VPS8: variants seen among roughly 807,000 people sequenced by gnomAD.
The protein encoded by VPS8 is VPS8 subunit of CORVET complex.
Under a neutral mutation model 216.4 loss-of-function variants are expected in VPS8, and 129 were observed. That is an observed-to-expected ratio of 0.60 (90% CI 0.52 to 0.69). VPS8 has a LOEUF of 0.69. Ranked by LOEUF, VPS8 falls within the 30% of genes least tolerant of loss-of-function variation. The pLI, the probability that VPS8 is intolerant of heterozygous loss-of-function variation, is 0.00. For synonymous variants in VPS8, 571 were observed against 565.4 expected (o/e 1.01, Z -0.14); for missense variants, 1,531 against 1,683.5 (o/e 0.91, Z 1.59).
intron 22 of VPS8, among the ~76,000 whole-genome samples, chr3:184,891,163 C>T (rs1295214201): frequency 4.6e-5 from 7 of 152,036 alleles, no homozygotes; most frequent in African/African-American, 1.2e-4. Flanking sequence ...ATGATACCGA[C>T]GACTTTGAGT....
At chr3:184,828,798 G>A (rs1178928580) in intron 3 of VPS8, among the ~76,000 whole-genome samples, 1 of 152,114 alleles carries the variant, frequency 6.6e-6, no homozygotes, top group Non-Finnish European at 1.5e-5. Context: ...TGTACAGTGT[G>A]GTGAATGTTA....
At chr3:184,997,324 T>C (rs1306210612) in intron 44 of VPS8, among the ~76,000 whole-genome samples, 1 of 152,244 alleles carries the variant, frequency 6.6e-6, no homozygotes, top group African/African-American at 2.4e-5. Flanking sequence ...ACAAGTTATT[T>C]AACCTCTTTA....
At chr3:184,931,465 CAACATGTTTG>C (rs1740663447) in intron 34 of VPS8, among the ~76,000 whole-genome samples, 1 of 152,220 alleles carries the variant, frequency 6.6e-6, no homozygotes, top group South Asian at 2.1e-4. Context: ...TACGATTATT[CAACATGTTTG>C]AACATTTTTT....
chr3:184,995,692 T>C (rs890121080), intron 43 of VPS8, among the ~76,000 whole-genome samples: 3 of 152,200 alleles, frequency 2.0e-5, no homozygotes, highest in African/African-American at 4.8e-5. Context: ...AACAATACTA[T>C]ATAAATACAT....
At chr3:185,038,756 C>T (rs1759238725) in intron 46 of VPS8, among the ~76,000 whole-genome samples, 2 of 152,184 alleles carry the variant, frequency 1.3e-5, no homozygotes, top group African/African-American at 4.8e-5. Context: ...TGAATGTCAT[C>T]CCCCAGTCTA....
rs189762636 is a variant in VPS8 at position 185,016,358 on chromosome 3, G to A, written c.4003-7978G>A. Among the ~76,000 whole-genome samples, 201 of 152,278 alleles carry A rather than the reference G, an allele frequency of 1.3e-3. 2 individuals are homozygous for A. Among genetic ancestry groups the A allele is most frequent in the African/African-American group, 4.2e-3 (175 of 41,552 alleles). On this transcript the variant is annotated intron_variant, in intron 45 of 47. Transcript: ENST00000625842. The stretch of plus-strand genomic sequence containing the variant: ...TCATAACATTGGAGTAATATTTCTC[G>A]AATGGGGCAGCACAAAGTATATATC...
chr3:184,856,236 A>G (rs974332154), intron 14 of VPS8, among the ~76,000 whole-genome samples: 7 of 152,252 alleles, frequency 4.6e-5, no homozygotes, highest in Non-Finnish European at 1.0e-4. Flanking sequence ...CACACAGCTT[A>G]TAATCTTGTT....
chr3:184,863,155 G>A lies in VPS8; in HGVS notation c.1395+88G>A, dbSNP rs981593539. The A allele has an allele frequency of 9.2e-5, 137 of 1,489,292 alleles. No homozygotes were observed. The African/African-American group carries it at 1.8e-3, about 19-fold the overall frequency. The allele number at this position is 1,489,292 out of a possible 1,614,324, so 92.3% of individuals were successfully genotyped here. A position where few individuals can be genotyped will look rare whatever the true frequency, so the allele number is the denominator to read the frequency against. On this transcript the variant is annotated intron_variant, in intron 16 of 47. Coordinates refer to ENST00000625842, the MANE Select transcript of VPS8 (RefSeq NM_001009921.3). ...TAGTTGTTTTAGAAATAGGAACTCTGGGGAGTTACCTTTTTCTGTCTTGAG... is the reference window on the plus strand; with the variant it reads ...TAGTTGTTTTAGAAATAGGAACTCTAGGGAGTTACCTTTTTCTGTCTTGAG...
In VPS8 at chr3:184,832,708, C is replaced by G; in HGVS notation, c.242C>G (p.Ser81Cys). The G allele has an allele frequency of 6.2e-7, 1 of 1,602,618 alleles. No individual in the cohort carries two copies. The highest frequency in any genetic ancestry group is 8.5e-7 in the Non-Finnish European group (1 of 1,173,620). Residue 81 changes from serine (S) to cysteine (C), a missense_variant, in exon 4 of 48, where the codon TCT becomes TGT. Physicochemically the swap from Ser to Cys is moderately radical, Grantham distance 112. Transcript: ENST00000625842. Reference protein sequence around the residue: ...ILNETDDEDESFILEDPTLLN... With the variant: ...ILNETDDEDECFILEDPTLLN... Reference sequence around the variant, plus strand: ...ATTTAGACTGATGATGAAGATGAGTCTTTTATTCTTGAGGATCCTACATTG... The same window carrying G: ...ATTTAGACTGATGATGAAGATGAGTGTTTTATTCTTGAGGATCCTACATTG...
intron 45 of VPS8, among the ~76,000 whole-genome samples, chr3:185,010,609 ATAAAAT>A (rs1268661489): frequency 2.0e-5 from 3 of 152,128 alleles, no homozygotes; most frequent in Non-Finnish European, 2.9e-5. Flanking sequence ...AATATACTAG[ATAAAAT>A]TAATAGCAGG....
intron 42 of VPS8, among the ~76,000 whole-genome samples, chr3:184,984,301 T>C (rs2109774425): frequency 6.7e-6 from 1 of 149,410 alleles, no homozygotes; most frequent in Admixed American, 6.6e-5. Flanking sequence ...AATACTTTTT[T>C]TTTTTTTTTT....
At chr3:185,031,063 GT>G (rs765510619) in intron 46 of VPS8, among the ~76,000 whole-genome samples, 1,117 of 64,314 alleles carry the variant, frequency 0.017, 5 homozygotes, top group African/African-American at 0.036. Flanking sequence ...ACAGGTTGGC[GT>G]TTTTTTTTTT....
At chr3:184,821,094 G>C (rs1259172338) in intron 1 of VPS8, among the ~76,000 whole-genome samples, 1 of 152,148 alleles carries the variant, frequency 6.6e-6, no homozygotes, top group Non-Finnish European at 1.5e-5. Flanking sequence ...GCTAATATCT[G>C]TTGAAAATTA....
chr3:184,967,304 GGTTTAGTTAT>G (rs1323057414), intron 39 of VPS8, among the ~76,000 whole-genome samples: 1 of 152,028 alleles, frequency 6.6e-6, no homozygotes, highest in Admixed American at 6.6e-5. Flanking sequence ...ACAAAAGTAT[GGTTTAGTTAT>G]GTTTAAATGA....
At chr3:184,924,569 G>A (rs897270690) in intron 29 of VPS8, among the ~76,000 whole-genome samples, 2 of 151,946 alleles carry the variant, frequency 1.3e-5, no homozygotes, top group African/African-American at 4.8e-5. Context: ...TGAGGGAAAC[G>A]TGATTAATAT....
chr3:184,874,050 T>C (rs187348003), intron 21 of VPS8, among the ~76,000 whole-genome samples: 1 of 152,210 alleles, frequency 6.6e-6, no homozygotes, highest in Admixed American at 6.5e-5. Flanking sequence ...AAAATAATTA[T>C]ATAGGTTGAC....
At chr3:184,997,641 T>C (rs1418679614) in intron 44 of VPS8, among the ~76,000 whole-genome samples, 1 of 152,022 alleles carries the variant, frequency 6.6e-6, no homozygotes, top group Non-Finnish European at 1.5e-5. Flanking sequence ...GTGGCAGGGA[T>C]AGACCATAAG....
intron 45 of VPS8, among the ~76,000 whole-genome samples, chr3:185,007,029 A>G (rs966826313): frequency 6.6e-6 from 1 of 152,236 alleles, no homozygotes; most frequent in Non-Finnish European, 1.5e-5. Context: ...TATACAACCA[A>G]TAATTCAGAC....
intron 39 of VPS8, among the ~76,000 whole-genome samples, chr3:184,968,780 G>C (rs1489809853): frequency 6.6e-6 from 1 of 152,138 alleles, no homozygotes; most frequent in East Asian, 1.9e-4. Flanking sequence ...GAATCACTTG[G>C]TGGGTGATTT....
Sources: gnomAD v4.1 joint callset for allele counts (sites outside exome capture counted in the v4.1 genomes callset) on GRCh38, gnomAD v4.1.1 for gene constraint, MANE v1.5 for transcripts, NCBI Gene and HGNC (gene_info 2026-07-23, HGNC 2026-07-21) for gene names.